GREB1: variants seen among roughly 807,000 people sequenced by gnomAD.
GREB1 encodes the protein growth regulating estrogen receptor binding 1, also known as protein GREB1.
Under a neutral mutation model 200.7 loss-of-function variants are expected in GREB1, and 106 were observed. The observed-to-expected ratio is 0.53, with a 90% CI of 0.45 to 0.62. The LOEUF (loss-of-function observed/expected upper bound fraction) is 0.62, where lower values mean the gene tolerates loss of function less well. Ranked by LOEUF, GREB1 falls within the 20% of genes least tolerant of loss-of-function variation. The probability of loss-of-function intolerance (pLI) is 0.00; values close to 1 mark genes in which losing one functional copy is unlikely to be tolerated. For synonymous variants in GREB1, 1,132 were observed against 1,092.4 expected, an observed-to-expected ratio of 1.04 and a Z score of -0.72; for missense variants, 2,243 against 2,556.8, an observed-to-expected ratio of 0.88 and a Z score of 2.65.
intron 1 of GREB1, among the ~76,000 whole-genome samples, chr2:11,523,473 A>T (rs1423484120): frequency 1.3e-5 from 2 of 152,180 alleles, no homozygotes; most frequent in African/African-American, 4.8e-5. Flanking sequence ...TGGTCTTGGG[A>T]TGCCATGGTA....
At chr2:11,537,452 CA>C (rs1316102776) in intron 1 of GREB1, among the ~76,000 whole-genome samples, 4 of 151,772 alleles carry the variant, frequency 2.6e-5, no homozygotes, top group Admixed American at 2.6e-4. Context: ...ACTTTTCTCC[CA>C]TTTTTCAGTT....
intron 23 of GREB1, among the ~76,000 whole-genome samples, chr2:11,621,810 C>T (rs1684035898): frequency 6.6e-6 from 1 of 152,216 alleles, no homozygotes; most frequent in Non-Finnish European, 1.5e-5. Context: ...CCATCCAGCC[C>T]TCGGCCTTCC....
intron 23 of GREB1, among the ~76,000 whole-genome samples, chr2:11,621,296 C>G (rs12990183): frequency 0.27 from 40,937 of 151,936 alleles, 5,896 homozygotes; most frequent in South Asian, 0.38. Flanking sequence ...TTTCTTAGGC[C>G]CAGGGTGAGA....
chr2:11,598,601 C>T (rs1572871451), intron 14 of GREB1, 79 bp from the exon 15 acceptor site: 5 of 1,278,394 alleles, frequency 3.9e-6, no homozygotes, highest in South Asian at 2.6e-5. Context: ...GTGTAGGAGT[C>T]GCTCCTCAGG....
At chr2:11,569,080 A>G (rs1229823773) in intron 4 of GREB1, among the ~76,000 whole-genome samples, 1 of 152,156 alleles carries the variant, frequency 6.6e-6, no homozygotes, top group African/African-American at 2.4e-5. Context: ...CTTTTAATCA[A>G]CTCAGGTATT....
intron 10 of GREB1, chr2:11,592,174 T>A: frequency 6.3e-6 from 5 of 791,624 alleles, no homozygotes; most frequent in South Asian, 5.7e-5. Context: ...TTTGGCTTCC[T>A]ACTTTTTTTT....
In GREB1 at chr2:11,634,320, G is replaced by C. The variant is rs569198363; in HGVS notation, c.5181G>C (p.Leu1727=). The C allele has an allele frequency of 6.2e-7, 1 of 1,614,012 alleles. No homozygotes were observed. The stretch of plus-strand genomic sequence containing the variant: ...ACTTCATCATCCTGAACGTGGACCT[G>C]ACCCAGAACGTGCAGTACAACCAGA... ...VHNFIILNVD[L]TQNVQYNQNR... The change falls in exon 29 of 33, where the codon CTG becomes CTC. Residue 1727 remains leucine, a synonymous_variant. Coordinates refer to ENST00000381486, the MANE Select transcript of GREB1 (RefSeq NM_014668.4).
At chr2:11,619,054 G>A (rs2148359179) in intron 22 of GREB1, 135 bp downstream of exon 22, 2 of 897,854 alleles carry the variant, frequency 2.2e-6, no homozygotes, top group Non-Finnish European at 3.3e-6. Context: ...CTTCTCCAAT[G>A]GCCTGGGGTG....
chr2:11,537,484 A>C (rs1320170439), intron 1 of GREB1, among the ~76,000 whole-genome samples: 1 of 151,844 alleles, frequency 6.6e-6, no homozygotes, highest in African/African-American at 2.4e-5. Context: ...AGGCACATAA[A>C]GGTTAAGTAA....
At chr2:11,552,756 A>G (rs1346775122) in intron 1 of GREB1, among the ~76,000 whole-genome samples, 1 of 152,082 alleles carries the variant, frequency 6.6e-6, no homozygotes, top group African/African-American at 2.4e-5. Context: ...TCACGCCTGT[A>G]ATCCCAGCAC....
Position 11,616,670 on chromosome 2 carries a change from G to T in GREB1, c.3362G>T (p.Arg1121Met), listed in dbSNP as rs1241148926. The change falls in exon 21 of 33, where the codon AGG becomes ATG. Residue 1121 changes from arginine to methionine, a missense_variant. By Grantham distance (91) the Arg-to-Met change is moderately conservative. This residue lies in a region of GREB1 where 587 missense variants were observed against 553.1 expected (regional missense o/e 1.06). Coordinates refer to ENST00000381486, the MANE Select transcript of GREB1 (RefSeq NM_014668.4). ...AAGAGAAGCCCCATGAAAAGGGAGAGGTCCCGCTCCCACGACTCAGCATCC... is the reference window on the plus strand; with the variant it reads ...AAGAGAAGCCCCATGAAAAGGGAGATGTCCCGCTCCCACGACTCAGCATCC... ...SEKRSPMKRE[R>M]SRSHDSASSS... is the part of the protein sequence containing the mutation. The T allele has an allele frequency of 2.5e-6, 4 of 1,613,362 alleles. No individual in the cohort carries two copies. Among genetic ancestry groups the T allele is most frequent in the Non-Finnish European group, 3.4e-6 (4 of 1,179,286 alleles).
chr2:11,514,680 C>T (rs977001110), intron 1 of GREB1, among the ~76,000 whole-genome samples: 2 of 152,208 alleles, frequency 1.3e-5, no homozygotes, highest in Non-Finnish European at 2.9e-5. Context: ...AACCCAGTGC[C>T]AAGAGATCCT....
At chr2:11,602,063 C>T (rs1370801666) in intron 16 of GREB1, among the ~76,000 whole-genome samples, 2 of 152,140 alleles carry the variant, frequency 1.3e-5, no homozygotes, top group Non-Finnish European at 2.9e-5. Context: ...AATTGATTTG[C>T]CCATTCCTAA....
intron 1 of GREB1, among the ~76,000 whole-genome samples, chr2:11,498,485 A>G (rs912425471): frequency 6.6e-5 from 10 of 152,240 alleles, no homozygotes; most frequent in Non-Finnish European, 1.2e-4. Context: ...TGCATAATAA[A>G]TTATGATATT....
At chr2:11,533,115 A>G (rs937122878), upstream of GREB1, among the ~76,000 whole-genome samples, 2 of 152,232 alleles carry the variant, frequency 1.3e-5, no homozygotes, top group Non-Finnish European at 2.9e-5. Context: ...GATCAACATG[A>G]GACAAAAAAC....
At chr2:11,614,713 G>A (rs570372226) in intron 19 of GREB1, among the ~76,000 whole-genome samples, 146 of 152,158 alleles carry the variant, frequency 9.6e-4, no homozygotes, top group African/African-American at 3.5e-3. Flanking sequence ...ACAGGCGCCC[G>A]CCACCACGCC....
intron 1 of GREB1, among the ~76,000 whole-genome samples, chr2:11,484,920 A>G (rs946617933): frequency 5.3e-5 from 8 of 152,184 alleles, no homozygotes; most frequent in Non-Finnish European, 7.3e-5. Flanking sequence ...ATCTCGGCTC[A>G]CTGCAAGCTC....
chr2:11,634,330 G>C lies in GREB1; in HGVS notation c.5191G>C (p.Val1731Leu), dbSNP rs751413487. 1 of 1,613,844 alleles carries C rather than the reference G, an allele frequency of 6.2e-7. No homozygotes were observed. The highest frequency in any genetic ancestry group is 8.5e-7 in the Non-Finnish European group (1 of 1,179,822). ...IILNVDLTQN[V>L]QYNQNRFLCD... ...CCTGAACGTGGACCTGACCCAGAAC[G>C]TGCAGTACAACCAGAACCGGTGAGC... The change falls in exon 29 of 33, where the codon GTG becomes CTG. Residue 1731 changes from valine to leucine, a missense_variant. Coordinates refer to ENST00000381486, the MANE Select transcript of GREB1 (RefSeq NM_014668.4).
At chr2:11,524,766 C>A (rs562165048) in intron 1 of GREB1, among the ~76,000 whole-genome samples, 11 of 152,334 alleles carry the variant, frequency 7.2e-5, no homozygotes, top group Non-Finnish European at 1.3e-4. Context: ...TCCATCCCCC[C>A]ACTTCCTGGC....
Sources: gnomAD v4.1 joint callset for allele counts (sites outside exome capture counted in the v4.1 genomes callset) on GRCh38, gnomAD v4.1.1 for gene constraint, gnomAD v4.1.1 regional missense constraint, MANE v1.5 for transcripts, NCBI Gene and HGNC (gene_info 2026-07-23, HGNC 2026-07-21) for gene names.